Variants in AVEN observed in about 807,000 individuals in gnomAD.
AVEN encodes apoptosis and caspase activation inhibitor, also known as cell death regulator Aven.
A neutral mutation model predicts 38.1 loss-of-function variants in AVEN; 41 were observed. The observed-to-expected ratio is 1.08, with a 90% CI of 0.84 to 1.40. AVEN has a LOEUF of 1.40. AVEN is among the 40% of genes most tolerant of loss of function. AVEN has a pLI of 0.00. For synonymous variants in AVEN, 206 were observed against 171.8 expected, an observed-to-expected ratio of 1.20 and a Z score of -1.56; for missense variants, 605 against 438.8, an observed-to-expected ratio of 1.38 and a Z score of -3.38.
chr15:34,036,420 G>A (rs1208144647), intron 1 of AVEN, among the ~76,000 whole-genome samples: 1 of 152,142 alleles, frequency 6.6e-6, no homozygotes, highest in South Asian at 2.1e-4. Flanking sequence ...ACATGGCTAG[G>A]AGTCTATTAT....
At chr15:33,879,741 G>T (rs1046370480) in intron 2 of AVEN, among the ~76,000 whole-genome samples, 3 of 152,124 alleles carry the variant, frequency 2.0e-5, no homozygotes, top group Non-Finnish European at 2.9e-5. Flanking sequence ...AATGATAAAG[G>T]ACACCCCTAA....
intron 5 of AVEN, among the ~76,000 whole-genome samples, chr15:34,053,160 C>T (rs1337798814): frequency 6.6e-6 from 1 of 151,146 alleles, no homozygotes; most frequent in Non-Finnish European, 1.5e-5. Context: ...ATTATCCAGA[C>T]ATGGTGGTGG....
intron 2 of AVEN, among the ~76,000 whole-genome samples, chr15:33,897,104 T>G (rs990454437): frequency 6.6e-6 from 1 of 152,122 alleles, no homozygotes; most frequent in African/African-American, 2.4e-5. Context: ...CATAACATTC[T>G]AAAAATGACA....
chr15:34,035,475 A>G (rs1359377341), intron 1 of AVEN, among the ~76,000 whole-genome samples: 1 of 152,196 alleles, frequency 6.6e-6, no homozygotes, highest in Non-Finnish European at 1.5e-5. Flanking sequence ...AGTTTAGAGC[A>G]GCAGTCGAAA....
At chr15:33,922,309 C>G (rs1000197088) in intron 2 of AVEN, among the ~76,000 whole-genome samples, 5 of 152,170 alleles carry the variant, frequency 3.3e-5, no homozygotes, top group African/African-American at 1.2e-4. Context: ...CCTAGTGCAG[C>G]TAGAGAGGAC....
chr15:33,853,009 G>T, the AVEN span: 2 of 1,578,430 alleles, frequency 1.3e-6, no homozygotes, highest in South Asian at 2.3e-5. Context: ...TTGATGTTAA[G>T]AATGAAGAAC....
intron 2 of AVEN, among the ~76,000 whole-genome samples, chr15:33,886,252 T>TG (rs1046568622): frequency 1.3e-5 from 2 of 152,172 alleles, no homozygotes; most frequent in African/African-American, 4.8e-5. Flanking sequence ...AACGGAATCA[T>TG]GGGGGGCGGT....
Position 33,872,339 on chromosome 15 carries a change from A to G in AVEN, c.517-1309T>C, listed in dbSNP as rs571123576. 4.0e-4 allele frequency among the ~76,000 whole-genome samples: 61 copies of G among 152,348 alleles called. 1 individual carries two copies. Among genetic ancestry groups the G allele is most frequent in the African/African-American group, 1.4e-3 (57 of 41,566 alleles). On this transcript the variant is annotated intron_variant, in intron 3 of 5. Coordinates refer to ENST00000306730, the MANE Select transcript of AVEN (RefSeq NM_020371.3). The stretch of plus-strand genomic sequence containing the variant: ...TATAAAGGCACACTCTTTAGTAAGA[A>G]AAGAACCCGCTATATACTTCACTTT...
At chr15:34,048,288 C>G (rs1322922431) in intron 5 of AVEN, among the ~76,000 whole-genome samples, 18 of 152,160 alleles carry the variant, frequency 1.2e-4, no homozygotes. Flanking sequence ...CTGATCTTTC[C>G]CTGGGATGGA....
At chr15:33,864,842 T>TTGC, downstream of AVEN, 1 of 339,344 alleles carries the variant, frequency 2.9e-6, no homozygotes, top group South Asian at 6.6e-5. Flanking sequence ...AATCAGCTTA[T>TTGC]TGCTAAATCT....
chr15:34,002,985 G>A (rs1389920658), intron 2 of AVEN, 47 bp downstream of exon 2: 1 of 1,467,824 alleles, frequency 6.8e-7, no homozygotes, highest in South Asian at 1.3e-5. Flanking sequence ...AAATGTCTGT[G>A]CAACTTTCAG....
At chr15:34,025,799 G>A (rs76214573) in intron 1 of AVEN, among the ~76,000 whole-genome samples, 103 of 145,538 alleles carry the variant, frequency 7.1e-4, no homozygotes, top group African/African-American at 2.3e-3. Flanking sequence ...TGTGTAAAGC[G>A]GAGGAAGGAG....
chr15:34,040,500 T>C (rs982993213), upstream of AVEN, among the ~76,000 whole-genome samples: 2 of 152,196 alleles, frequency 1.3e-5, no homozygotes, highest in African/African-American at 2.4e-5. Context: ...AGAGCACTTA[T>C]ATGCACCAAA....
intron 1 of AVEN, among the ~76,000 whole-genome samples, chr15:34,017,843 A>G (rs1402666541): frequency 6.6e-6 from 1 of 152,182 alleles, no homozygotes. Context: ...AATGCACCAC[A>G]TACCATTTTG....
At chr15:34,013,209 G>A (rs916584259) in intron 1 of AVEN, among the ~76,000 whole-genome samples, 11 of 151,918 alleles carry the variant, frequency 7.2e-5, no homozygotes, top group African/African-American at 2.7e-4. Flanking sequence ...TTACAGGCGC[G>A]CGCCACCACG....
intron 11 of AVEN, chr15:33,860,737 T>G (rs1219156937): frequency 9.2e-7 from 1 of 1,092,088 alleles, no homozygotes; most frequent in African/African-American, 1.6e-5. Flanking sequence ...ACAATAGGTT[T>G]TACTATTACT....
chr15:33,919,276 T>C (rs1204544685), intron 2 of AVEN, among the ~76,000 whole-genome samples: 1 of 152,068 alleles, frequency 6.6e-6, no homozygotes, highest in Admixed American at 6.6e-5. Flanking sequence ...GAAAAATAAA[T>C]CCCAGAATTT....
At chr15:33,913,456 A>G (rs953404748) in intron 2 of AVEN, among the ~76,000 whole-genome samples, 11 of 152,190 alleles carry the variant, frequency 7.2e-5, no homozygotes, top group African/African-American at 1.9e-4. Flanking sequence ...ACAGAACATA[A>G]GGGGCTTTGA....
intron 2 of AVEN, among the ~76,000 whole-genome samples, chr15:33,904,575 C>G (rs1214946038): frequency 6.6e-6 from 1 of 151,668 alleles, no homozygotes; most frequent in Non-Finnish European, 1.5e-5. Flanking sequence ...CCACGCCTGG[C>G]TAATTTTTTG....
Sources: allele counts gnomAD v4.1 joint callset (sites outside exome capture counted in the v4.1 genomes callset), GRCh38; gene constraint gnomAD v4.1.1; transcripts MANE v1.5; gene names NCBI Gene and HGNC (gene_info 2026-07-23, HGNC 2026-07-21).